TMCO1: variants seen among roughly 807,000 people sequenced by gnomAD.
TMCO1 encodes the protein transmembrane and coiled-coil domains 1, also known as calcium load-activated calcium channel.
Under a neutral mutation model 29.3 loss-of-function variants are expected in TMCO1, and 29 were observed. The ratio of observed to expected loss-of-function variants is 0.99; its 90% confidence interval spans 0.74 to 1.35. The LOEUF is 1.35. Among genes scored for constraint, TMCO1 ranks in the 40% most tolerant of loss-of-function variants. The pLI, the probability that TMCO1 is intolerant of heterozygous loss-of-function variation, is 0.00. For synonymous variants in TMCO1, 80 were observed against 77.1 expected, an observed-to-expected ratio of 1.04 and a Z score of -0.20; for missense variants, 173 against 225.5, an observed-to-expected ratio of 0.77 and a Z score of 1.49.
intron 2 of TMCO1, among the ~76,000 whole-genome samples, chr1:165,761,615 A>C (rs1418406439): frequency 6.6e-6 from 1 of 152,104 alleles, no homozygotes; most frequent in Non-Finnish European, 1.5e-5. Context: ...AGAGATCATA[A>C]AAGAAAAATG....
chr1:165,768,912 G>A (rs1652692686), upstream of TMCO1: 1 of 1,543,068 alleles, frequency 6.5e-7, no homozygotes. Flanking sequence ...CATAGCACCG[G>A]AAAGGCTCGT....
intron 6 of TMCO1, among the ~76,000 whole-genome samples, chr1:165,738,483 A>C (rs1245439456): frequency 6.6e-6 from 1 of 152,206 alleles, no homozygotes. Context: ...AAATAAAACA[A>C]CAACATGTAA....
intron 5 of TMCO1, among the ~76,000 whole-genome samples, chr1:165,743,867 T>C (rs1651692101): frequency 6.6e-6 from 1 of 150,678 alleles, no homozygotes; most frequent in South Asian, 2.1e-4. Context: ...ATAATTCCTT[T>C]TTTTTTTTTT....
At chr1:165,738,936 CT>C (rs1445111336) in intron 6 of TMCO1, among the ~76,000 whole-genome samples, 1 of 152,082 alleles carries the variant, frequency 6.6e-6, no homozygotes, top group South Asian at 2.1e-4. Context: ...TCCTTATAGA[CT>C]TTTTTTCTCA....
downstream of TMCO1, chr1:165,726,473 C>T (rs1050566380): frequency 3.7e-6 from 2 of 547,340 alleles, no homozygotes; most frequent in Admixed American, 2.2e-5. Flanking sequence ...AGCTTGACAG[C>T]CTGGACTATT....
chr1:165,767,288 A>G (rs558392747), intron 2 of TMCO1, among the ~76,000 whole-genome samples: 3 of 152,330 alleles, frequency 2.0e-5, no homozygotes, highest in African/African-American at 7.2e-5. Flanking sequence ...CCTTATAAGG[A>G]AAAAAAGAAG....
At chr1:165,768,884 G>A (rs1374771274), upstream of TMCO1, 4 of 1,553,040 alleles carry the variant, frequency 2.6e-6, no homozygotes, top group Admixed American at 2.0e-5. Flanking sequence ...CCCGAAGATC[G>A]CACTTCCGCT....
At chr1:165,768,593 G>C (rs944686819) in intron 1 of TMCO1, 89 bp downstream of exon 1, 2 of 1,606,040 alleles carry the variant, frequency 1.2e-6, no homozygotes, top group African/African-American at 1.3e-5. Context: ...AGCAAGTAAG[G>C]CTCGCGATCT....
intron 5 of TMCO1, among the ~76,000 whole-genome samples, chr1:165,749,286 CAT>C (rs1354294388): frequency 4.1e-3 from 229 of 56,388 alleles, no homozygotes; most frequent in Non-Finnish European, 6.2e-3. Context: ...TATAAAACTC[CAT>C]ATATGATTTT....
Position 165,727,873 on chromosome 1 carries a change from A to C in TMCO1, c.*150T>G, listed in dbSNP as rs1049739628. Reference sequence around the variant, plus strand: ...ATCAAGTTTGCTGGCTGCCATTTTCACTCTAATCATACCCAAAAGGCTTAG... The same window carrying C: ...ATCAAGTTTGCTGGCTGCCATTTTCCCTCTAATCATACCCAAAAGGCTTAG... On this transcript the variant is annotated 3_prime_UTR_variant, in exon 7 of 7. Coordinates refer to ENST00000367881, the MANE Select transcript of TMCO1 (RefSeq NM_019026.6). The C allele has an allele frequency of 1.7e-6, 1 of 602,490 alleles. No homozygotes were observed. The highest frequency in any genetic ancestry group is 3.1e-6 in the Non-Finnish European group (1 of 326,864). 37.3% of individuals were successfully genotyped at this position (602,490 alleles called of 1,614,324 possible). A position where few individuals can be genotyped will look rare whatever the true frequency, so the allele number is the denominator to read the frequency against.
At chr1:165,734,103 C>T (rs1414761804) in intron 6 of TMCO1, among the ~76,000 whole-genome samples, 1 of 152,218 alleles carries the variant, frequency 6.6e-6, no homozygotes. Flanking sequence ...CAATTAATCG[C>T]AATATCTCAT....
At chr1:165,745,095 A>G (rs1420748299) in intron 5 of TMCO1, among the ~76,000 whole-genome samples, 1 of 151,626 alleles carries the variant, frequency 6.6e-6, no homozygotes, top group African/African-American at 2.4e-5. Flanking sequence ...ATCATGGCTC[A>G]CTGCAGCCTT....
chr1:165,759,506 G>A lies in TMCO1; in HGVS notation c.208+19C>T. The A allele has an allele frequency of 6.3e-7, 1 of 1,590,150 alleles. No homozygotes were observed. On this transcript the variant is annotated intron_variant, in intron 3 of 6. Transcript: ENST00000367881. Reference sequence around the variant, plus strand: ...TTTAAGAAAACCCAAATTTCATTTTGACTAATATCTCATCTTACCTATTTT... The same window carrying A: ...TTTAAGAAAACCCAAATTTCATTTTAACTAATATCTCATCTTACCTATTTT...
intron 6 of TMCO1, among the ~76,000 whole-genome samples, chr1:165,737,746 A>T (rs535792857): frequency 6.6e-6 from 1 of 152,250 alleles, no homozygotes; most frequent in African/African-American, 2.4e-5. Context: ...TCTATGTCCA[A>T]TGAAAATATC....
intron 5 of TMCO1, among the ~76,000 whole-genome samples, chr1:165,746,893 T>G (rs916180763): frequency 6.6e-6 from 1 of 152,198 alleles, no homozygotes; most frequent in Non-Finnish European, 1.5e-5. Context: ...TGATTATCTA[T>G]CTAGAAAACT....
intron 2 of TMCO1, among the ~76,000 whole-genome samples, chr1:165,767,125 G>A (rs921542957): frequency 6.6e-6 from 1 of 152,092 alleles, no homozygotes; most frequent in African/African-American, 2.4e-5. Flanking sequence ...ATGACATGGA[G>A]GTAATATTTA....
intron 5 of TMCO1, among the ~76,000 whole-genome samples, chr1:165,746,308 C>CAAAA (rs67433376): frequency 2.1e-4 from 26 of 123,460 alleles, no homozygotes; most frequent in African/African-American, 6.8e-4. Flanking sequence ...GACTCCATCT[C>CAAAA]AAAAAAAAAA....
intron 6 of TMCO1, among the ~76,000 whole-genome samples, chr1:165,737,698 CT>C (rs1181603766): frequency 2.6e-5 from 4 of 152,182 alleles, no homozygotes; most frequent in African/African-American, 9.6e-5. Flanking sequence ...ATTTAAAATG[CT>C]TAAAGGTTAA....
Position 165,728,070 on chromosome 1 carries a change from C to T in TMCO1, c.520G>A (p.Ala174Thr). ...LAPSRAATKQ[A>T]GGFLGPPPPS... is the part of the protein sequence containing the mutation. The stretch of plus-strand genomic sequence containing the variant: ...GGTGGTGGGCCAAGAAATCCACCTG[C>T]CTGCTTGGTGGCGGCTCGTGAAGGG... Residue 174 changes from alanine to threonine, a missense_variant, in exon 7 of 7, where the codon GCA becomes ACA. Ala to Thr is a moderately conservative substitution (Grantham distance 58). Coordinates refer to ENST00000367881, the MANE Select transcript of TMCO1 (RefSeq NM_019026.6). 2 of 1,609,314 alleles carry T rather than the reference C, an allele frequency of 1.2e-6. No individual in the cohort carries two copies. The highest frequency in any genetic ancestry group is 1.7e-6 in the Non-Finnish European group (2 of 1,176,912).
Sources: gnomAD v4.1 joint callset for allele counts (sites outside exome capture counted in the v4.1 genomes callset) on GRCh38, gnomAD v4.1.1 for gene constraint, MANE v1.5 for transcripts, NCBI Gene and HGNC (gene_info 2026-07-23, HGNC 2026-07-21) for gene names.